Variants in TPTE2 observed in about 807,000 individuals in gnomAD.
The protein encoded by TPTE2 is phosphatidylinositol 3,4,5-trisphosphate 3-phosphatase TPTE2.
TPTE2 carries 53 observed loss-of-function variants against 78.6 expected under a neutral mutation model. The ratio of observed to expected loss-of-function variants is 0.67; its 90% CI spans 0.54 to 0.85. The LOEUF is 0.85. TPTE2 is among the 40% of genes least tolerant of loss of function. The probability of loss-of-function intolerance (pLI) is 0.00; values close to 1 mark genes in which losing one functional copy is unlikely to be tolerated. For missense variants in TPTE2, 461 were observed against 623.0 expected, an observed-to-expected ratio of 0.74 and a Z score of 2.77; for synonymous variants, 175 against 206.2, an observed-to-expected ratio of 0.85 and a Z score of 1.30.
chr13:19,481,297 G>C (rs1880339843), intron 4 of TPTE2, among the ~76,000 whole-genome samples: 1 of 152,126 alleles, frequency 6.6e-6, no homozygotes, highest in Admixed American at 6.5e-5. Flanking sequence ...ATTTTTGCAT[G>C]TTATTTTCGT....
At chr13:19,507,460 C>T (rs1840946378), upstream of TPTE2, among the ~76,000 whole-genome samples, 2 of 152,164 alleles carry the variant, frequency 1.3e-5, no homozygotes. Context: ...CAGGGAAGGG[C>T]TGAAGAGCCA....
At chr13:19,503,616 G>C (rs1431136854), upstream of TPTE2, among the ~76,000 whole-genome samples, 1 of 152,122 alleles carries the variant, frequency 6.6e-6, no homozygotes, top group Non-Finnish European at 1.5e-5. Context: ...TCCACTAAAT[G>C]TGCTGCCTTG....
intron 19 of TPTE2, among the ~76,000 whole-genome samples, chr13:19,424,368 T>C (rs1214721688): frequency 2.0e-5 from 3 of 152,292 alleles, no homozygotes; most frequent in African/African-American, 7.2e-5. Context: ...CCAAACCCAA[T>C]TAGTAATTTT....
rs566961426 is a variant in TPTE2 at position 19,473,273 on chromosome 13, G to A, written c.392+641C>T. Reference sequence around the variant, plus strand: ...GTCATCACATGGTAAAAACAGCCAGGCCTGTGTCCTTCCCTTCAGGATGGC... The same window carrying A: ...GTCATCACATGGTAAAAACAGCCAGACCTGTGTCCTTCCCTTCAGGATGGC... On this transcript the variant is annotated intron_variant, in intron 6 of 19. Coordinates refer to ENST00000400230, the Ensembl canonical transcript of TPTE2. 4.6e-5 allele frequency among the ~76,000 whole-genome samples: 7 copies of A among 152,320 alleles called. No individual in the cohort carries two copies. The South Asian group carries it at 1.2e-3, about 27-fold the overall frequency.
At chr13:19,505,697 G>T (rs1287685262), upstream of TPTE2, 1 of 152,010 alleles carries the variant, frequency 6.6e-6, no homozygotes, top group Non-Finnish European at 1.5e-5. Context: ...ACCCATTAAG[G>T]TTTCATGAAC....
At chr13:19,477,982 G>A (rs1466755354) in intron 4 of TPTE2, among the ~76,000 whole-genome samples, 1 of 152,170 alleles carries the variant, frequency 6.6e-6, no homozygotes, top group Non-Finnish European at 1.5e-5. Flanking sequence ...AAGTGCTTGA[G>A]TCAGCTGAGC....
At chr13:19,434,410 G>A (rs1240584549) in intron 15 of TPTE2, among the ~76,000 whole-genome samples, 1 of 152,220 alleles carries the variant, frequency 6.6e-6, no homozygotes, top group Non-Finnish European at 1.5e-5. Flanking sequence ...GCACATAGTG[G>A]AAGAGAAGGT....
In TPTE2 at chr13:19,451,843, G is replaced by GTGTGTGTGTA. The variant is rs1555249617; in HGVS notation, c.742-619_742-618insTACACACACA. ...TGTGTGTGTGTGTGTGTGTGTGTGT[G>GTGTGTGTGTA]TATATATGTATAACCTTTAAAATGA... On this transcript the variant is annotated intron_variant, in intron 10 of 19. Transcript: ENST00000400230. Among the ~76,000 whole-genome samples, 53 of 147,128 alleles carry GTGTGTGTGTA rather than the reference G, an allele frequency of 3.6e-4. No individual in the cohort carries two copies. The East Asian group carries it at 9.4e-3, about 26-fold the overall frequency.
intron 1 of TPTE2, among the ~76,000 whole-genome samples, chr13:19,533,076 C>CTA (rs1231538414): frequency 6.6e-6 from 1 of 152,150 alleles, no homozygotes; most frequent in Admixed American, 6.5e-5. Context: ...TGTGAAAACA[C>CTA]TATATATGCA....
the TPTE2 span, among the ~76,000 whole-genome samples, chr13:19,541,952 G>A: frequency 6.6e-6 from 1 of 152,068 alleles, no homozygotes; most frequent in South Asian, 2.1e-4. Context: ...ACTTCTCTGA[G>A]TTTAGGGTTT....
At chr13:19,458,491 A>C in intron 10 of TPTE2, 1 of 387,398 alleles carries the variant, frequency 2.6e-6, no homozygotes, top group South Asian at 2.1e-5. Context: ...TTGTTCCAGG[A>C]ATGTACTTCC....
At chr13:19,556,531 T>TCCC in the TPTE2 span, among the ~76,000 whole-genome samples, 19 of 151,924 alleles carry the variant, frequency 1.3e-4, no homozygotes, top group African/African-American at 4.6e-4. Context: ...TACAACATTC[T>TCCC]CCCCCCCACC....
At chr13:19,548,533 T>G in the TPTE2 span, among the ~76,000 whole-genome samples, 1 of 151,872 alleles carries the variant, frequency 6.6e-6, no homozygotes, top group African/African-American at 2.4e-5. Context: ...TGAAAAGGTT[T>G]AAACCAACTA....
chr13:19,552,454 T>C, the TPTE2 span: 1 of 450,200 alleles, frequency 2.2e-6, no homozygotes. Flanking sequence ...TAGGACACCA[T>C]GGAGATATCT....
chr13:19,479,064 C>T (rs576253740), intron 4 of TPTE2, among the ~76,000 whole-genome samples: 15 of 152,076 alleles, frequency 9.9e-5, no homozygotes, highest in East Asian at 5.8e-4. Context: ...ATGTAAATGA[C>T]GAATTAATGG....
upstream of TPTE2, among the ~76,000 whole-genome samples, chr13:19,504,198 C>G (rs551619176): frequency 6.6e-6 from 1 of 152,268 alleles, no homozygotes; most frequent in East Asian, 1.9e-4. Context: ...TTGAATTACT[C>G]ACAAGCGATG....
chr13:19,561,338 C>A, the TPTE2 span: 2 of 617,312 alleles, frequency 3.2e-6, no homozygotes, highest in African/African-American at 1.9e-5. Flanking sequence ...GCTCCACCTC[C>A]TCGCGACCGG....
At chr13:19,492,074 A>C (rs1798637501) in intron 3 of TPTE2, among the ~76,000 whole-genome samples, 1 of 152,130 alleles carries the variant, frequency 6.6e-6, no homozygotes, top group Admixed American at 6.5e-5. Flanking sequence ...TGAGCATTAC[A>C]CTATAATTAA....
the TPTE2 span, chr13:19,560,625 C>G: frequency 1.9e-6 from 3 of 1,585,822 alleles, no homozygotes; most frequent in Non-Finnish European, 2.6e-6. Context: ...CTGGAAGGTG[C>G]CCATCAGGGC....
Sources: gnomAD v4.1 joint callset for allele counts (sites outside exome capture counted in the v4.1 genomes callset) on GRCh38, gnomAD v4.1.1 for gene constraint, MANE v1.5 for transcripts, NCBI Gene and HGNC (gene_info 2026-07-23, HGNC 2026-07-21) for gene names.